Variants in BRD4 observed in about 807,000 individuals in gnomAD.
The protein encoded by BRD4 is bromodomain-containing protein 4.
A neutral mutation model predicts 142.1 loss-of-function variants in BRD4; 16 were observed. The ratio of observed to expected loss-of-function variants is 0.11; its 90% CI spans 0.08 to 0.17. The LOEUF is 0.17. BRD4 is among the 10% of genes least tolerant of loss of function. The pLI is 1.00. For synonymous variants in BRD4, 833 were observed against 707.5 expected, an observed-to-expected ratio of 1.18 and a Z score of -2.82; for missense variants, 1,424 against 1,810.9, an observed-to-expected ratio of 0.79 and a Z score of 3.88.
At chr19:15,278,304 G>A (rs1350139204) in intron 1 of BRD4, among the ~76,000 whole-genome samples, 1 of 151,728 alleles carries the variant, frequency 6.6e-6, no homozygotes, top group Non-Finnish European at 1.5e-5. Context: ...GGAAAACGAG[G>A]TAGGCAGATC....
intron 11 of BRD4, chr19:15,253,845 G>T: frequency 1.4e-6 from 2 of 1,403,072 alleles, no homozygotes; most frequent in South Asian, 1.3e-5. Flanking sequence ...CAGTCCTCAT[G>T]GCCCAGCTTC....
chr19:15,270,730 T>C (rs2047578125), intron 2 of BRD4, among the ~76,000 whole-genome samples: 1 of 152,156 alleles, frequency 6.6e-6, no homozygotes, highest in Non-Finnish European at 1.5e-5. Flanking sequence ...GAATACTTTT[T>C]AGGGTGGCCT....
chr19:15,238,907 G>C lies in BRD4; in HGVS notation c.3856C>G (p.Gln1286Glu), dbSNP rs2047215151. The change falls in exon 19 of 20, where the codon CAG becomes GAG. Residue 1286 changes from glutamine to glutamate, a missense_variant. Gln to Glu is a conservative substitution (Grantham distance 29). Coordinates refer to ENST00000679869, the MANE Select transcript of BRD4 (RefSeq NM_001379291.1). The surrounding 1 kb of genome is among the most constrained non-coding windows in gnomAD (Gnocchi z 7.2). ...TGTTGCTCCTGGCGCTGCTGCTGCT[G>C]CTGCTCCTGGCGCCGACGTGCCTCC... ...HEEARRRQEQ[Q>E]QQQRQEQQQQ... The C allele has an allele frequency of 6.3e-7, 1 of 1,595,286 alleles. No homozygotes were observed. The highest frequency in any genetic ancestry group is 8.5e-7 in the Non-Finnish European group (1 of 1,172,558).
At chr19:15,310,514 C>T (rs1345756240) in intron 1 of BRD4, among the ~76,000 whole-genome samples, 1 of 151,878 alleles carries the variant, frequency 6.6e-6, no homozygotes, top group Non-Finnish European at 1.5e-5. Flanking sequence ...GTGCCCACCA[C>T]CACGCCTGGC....
chr19:15,264,761 C>T lies in BRD4; in HGVS notation c.855G>A (p.Lys285=). Residue 285 remains lysine, a synonymous_variant, in exon 6 of 20, where the codon AAG becomes AAA. Coordinates refer to ENST00000679869, the MANE Select transcript of BRD4 (RefSeq NM_001379291.1). ...IAATPQPVKT[K]KGVKRKADTT... ...TGTCTGCTTTCCTCTTCACTCCCTT[C>T]TTTGTCTGCCAAGAACACGGACGCC... 4 of 1,599,696 alleles carry T rather than the reference C, an allele frequency of 2.5e-6. No individual in the cohort carries two copies. Among genetic ancestry groups the T allele is most frequent in the Non-Finnish European group, 3.4e-6 (4 of 1,171,050 alleles).
At chr19:15,242,812 A>C in intron 14 of BRD4, 88 bp downstream of exon 14, 1 of 1,534,866 alleles carries the variant, frequency 6.5e-7, no homozygotes, top group Non-Finnish European at 8.8e-7. Context: ...TGCAGCCTGA[A>C]GCATGAGTTA....
intron 1 of BRD4, among the ~76,000 whole-genome samples, chr19:15,317,205 G>A (rs1006438496): frequency 1.3e-5 from 2 of 152,174 alleles, no homozygotes; most frequent in South Asian, 2.1e-4. Context: ...TCTGCAAACC[G>A]GGATGATACT....
chr19:15,273,778 A>G (rs1775095122), intron 1 of BRD4, among the ~76,000 whole-genome samples: 1 of 152,024 alleles, frequency 6.6e-6, no homozygotes, highest in African/African-American at 2.4e-5. Flanking sequence ...TTTACTGCCG[A>G]TAAAATAAAA....
At chr19:15,289,793 T>C (rs1454120706) in intron 1 of BRD4, among the ~76,000 whole-genome samples, 1 of 151,912 alleles carries the variant, frequency 6.6e-6, no homozygotes, top group Non-Finnish European at 1.5e-5. Context: ...AGTGTGCTTG[T>C]AAGGACACTG....
chr19:15,241,513 T>C (rs1413943482), intron 14 of BRD4, among the ~76,000 whole-genome samples: 3 of 152,222 alleles, frequency 2.0e-5, no homozygotes, highest in Non-Finnish European at 4.4e-5. Context: ...CAATCCACAC[T>C]GCTCTTGATG....
chr19:15,265,613 G>C lies in BRD4; in HGVS notation c.590C>G (p.Pro197Arg). 1 of 1,614,084 alleles carries C rather than the reference G, an allele frequency of 6.2e-7. No homozygotes were observed. The highest frequency in any genetic ancestry group is 8.5e-7 in the Non-Finnish European group (1 of 1,180,022). Residue 197 changes from proline (P) to arginine (R), a missense_variant, in exon 5 of 20, where the codon CCA becomes CGA. Coordinates refer to ENST00000679869, the MANE Select transcript of BRD4 (RefSeq NM_001379291.1). ...AGGAGTCGATGCTTGAGTTGTGTTTGGTACCGTGGAAACGCCAGGTTTTGC... is the reference window on the plus strand; with the variant it reads ...AGGAGTCGATGCTTGAGTTGTGTTTCGTACCGTGGAAACGCCAGGTTTTGC... Reference protein sequence around the residue: ...GTAKPGVSTVPNTTQASTPPQ... With the variant: ...GTAKPGVSTVRNTTQASTPPQ...
Position 15,239,449 on chromosome 19 carries a change from C to T in BRD4, c.3519G>A (p.Gly1173=), listed in dbSNP as rs1335708162. ...GTTTCTGTTTGTCCTTGTCAGGGGCCCCTGGTGGCGGTGCGTTCTGCTCTG... is the reference window on the plus strand; with the variant it reads ...GTTTCTGTTTGTCCTTGTCAGGGGCTCCTGGTGGCGGTGCGTTCTGCTCTG... The part of the protein sequence containing the change: ...RPPEQNAPPP[G]APDKDKQKQE... The change falls in exon 17 of 20, where the codon GGG becomes GGA. Residue 1173 remains glycine, a synonymous_variant. Transcript: ENST00000679869. This position sits in a 1 kb window ranked among gnomAD's most constrained non-coding sequence, Gnocchi z 7.4. 1 of 1,614,022 alleles carries T rather than the reference C, an allele frequency of 6.2e-7. No homozygotes were observed. The highest frequency in any genetic ancestry group is 1.3e-5 in the African/African-American group (1 of 74,920).
chr19:15,284,412 T>C (rs1000268623), intron 1 of BRD4, among the ~76,000 whole-genome samples: 2 of 152,184 alleles, frequency 1.3e-5, no homozygotes, highest in African/African-American at 4.8e-5. Flanking sequence ...GACCCAAAGA[T>C]GACCAGTCAG....
At position 15,279,385 on chromosome 19, in the gene BRD4, A is replaced by G. The variant is rs926120243; in HGVS notation, c.-34-6252T>C. ...CAAAACCAGCTCAGAAAGTTTGAAC[A>G]CTTTCTGCAATGATGGAGTCCCTAC... On this transcript the variant is annotated intron_variant, in intron 1 of 19. Transcript: ENST00000679869. Among the ~76,000 whole-genome samples the G allele has an allele frequency of 2.6e-5, 4 of 152,336 alleles. No individual in the cohort carries two copies. In the South Asian group the frequency reaches 6.2e-4, roughly 24 times the overall value.
intron 1 of BRD4, among the ~76,000 whole-genome samples, chr19:15,321,364 C>CA (rs751824654): frequency 3.3e-5 from 5 of 150,978 alleles, no homozygotes; most frequent in Non-Finnish European, 3.0e-5. Context: ...CTCTTATCAA[C>CA]AAGCGAGATG....
intron 3 of BRD4, 113 bp from the exon 4 acceptor site, chr19:15,267,664 C>CG: frequency 7.8e-7 from 1 of 1,281,578 alleles, no homozygotes; most frequent in East Asian, 2.3e-5. Flanking sequence ...CGTCGTATTC[C>CG]GGGTCCTTCC....
intron 1 of BRD4, chr19:15,275,694 G>A (rs906799061): frequency 6.6e-6 from 1 of 152,150 alleles, no homozygotes; most frequent in African/African-American, 2.4e-5. Flanking sequence ...CTTTAAGGAG[G>A]CTCTGAAGAT....
chr19:15,301,865 G>GAAAA (rs952860124), intron 1 of BRD4, among the ~76,000 whole-genome samples: 3 of 40,478 alleles, frequency 7.4e-5, no homozygotes, highest in Non-Finnish European at 1.6e-4. Context: ...CCGTCTCAAA[G>GAAAA]AAAAAAAAAA....
intron 1 of BRD4, among the ~76,000 whole-genome samples, chr19:15,310,294 A>G (rs1391683054): frequency 7.9e-6 from 1 of 126,126 alleles, no homozygotes; most frequent in African/African-American, 3.0e-5. Context: ...GCTCACTGCA[A>G]CCTCCGCCTC....
Sources: allele counts gnomAD v4.1 joint callset (sites outside exome capture counted in the v4.1 genomes callset), GRCh38; gene constraint gnomAD v4.1.1; non-coding constraint Gnocchi (gnomAD v3.1); transcripts MANE v1.5; gene names NCBI Gene and HGNC (gene_info 2026-07-23, HGNC 2026-07-21).